VAT1L: variants seen among roughly 807,000 people sequenced by gnomAD.
VAT1L encodes putative NADPH-dependent quinone oxidoreductase VAT1L.
In VAT1L, 34 loss-of-function variants were observed where a neutral mutation model predicts 44.1. The observed-to-expected ratio is 0.77, with a 90% confidence interval of 0.59 to 1.03. The LOEUF is 1.03. Ranked by LOEUF, VAT1L falls within the 50% of genes least tolerant of loss-of-function variation. The probability of loss-of-function intolerance (pLI) is 0.00; values close to 1 mark genes in which losing one functional copy is unlikely to be tolerated. For missense variants in VAT1L, 615 were observed against 538.8 expected (o/e 1.14, Z -1.40); for synonymous variants, 253 against 202.2 (o/e 1.25, Z -2.13).
At chr16:77,827,168 A>G (rs893238575) in intron 3 of VAT1L, among the ~76,000 whole-genome samples, 1 of 152,222 alleles carries the variant, frequency 6.6e-6, no homozygotes, top group African/African-American at 2.4e-5. Flanking sequence ...TCCCGTAGAA[A>G]AGAAATGGCT....
chr16:77,880,489 AC>A (rs750098664), intron 6 of VAT1L, among the ~76,000 whole-genome samples: 32 of 140,156 alleles, frequency 2.3e-4, no homozygotes, highest in Non-Finnish European at 4.0e-4. Context: ...TCATTTCAAC[AC>A]CCCTTCCCCA....
At chr16:77,868,614 G>A (rs1001386424) in intron 4 of VAT1L, among the ~76,000 whole-genome samples, 4 of 152,198 alleles carry the variant, frequency 2.6e-5, no homozygotes, top group Admixed American at 6.5e-5. Flanking sequence ...TGGCTGTAGT[G>A]CCAGAGCTTG....
chr16:77,963,585 A>C lies in VAT1L; in HGVS notation c.1078-8265A>C, dbSNP rs1430835828. 2.6e-5 allele frequency among the ~76,000 whole-genome samples: 4 copies of C among 152,014 alleles called. No individual in the cohort carries two copies. The East Asian group carries it at 5.8e-4, about 22-fold the overall frequency. On this transcript the variant is annotated intron_variant, in intron 7 of 8. Transcript: ENST00000302536. ...GGTCATCTGTTACAGTAATAATAGG[A>C]AACTGATACAAAACCTTACCTTCAC...
chr16:77,958,768 G>T (rs376533175), intron 7 of VAT1L, among the ~76,000 whole-genome samples: 8 of 152,266 alleles, frequency 5.3e-5, no homozygotes, highest in African/African-American at 1.9e-4. Flanking sequence ...AGGACAAAAG[G>T]AACAGTTGCT....
intron 7 of VAT1L, among the ~76,000 whole-genome samples, chr16:77,917,680 C>G (rs1260346258): frequency 2.0e-5 from 3 of 152,150 alleles, no homozygotes; most frequent in East Asian, 3.9e-4. Flanking sequence ...AAGATTCTAT[C>G]TGAATAATCT....
chr16:77,809,719 G>C (rs1262566454), intron 1 of VAT1L, among the ~76,000 whole-genome samples: 1 of 152,236 alleles, frequency 6.6e-6, no homozygotes, highest in East Asian at 1.9e-4. Context: ...CACAAAGAGA[G>C]AGGGTTCATA....
At chr16:77,946,277 T>C (rs117508838) in intron 7 of VAT1L, among the ~76,000 whole-genome samples, 7 of 95,638 alleles carry the variant, frequency 7.3e-5, no homozygotes, top group Non-Finnish European at 1.2e-4. Flanking sequence ...AGGTTACTTG[T>C]TCTTTTTTTT....
At chr16:77,803,146 G>C (rs2016094563) in intron 1 of VAT1L, among the ~76,000 whole-genome samples, 1 of 152,184 alleles carries the variant, frequency 6.6e-6, no homozygotes, top group East Asian at 1.9e-4. Flanking sequence ...GTTGCTCATA[G>C]TCTACAGGGA....
At chr16:77,900,556 G>C (rs544074718) in intron 7 of VAT1L, among the ~76,000 whole-genome samples, 2 of 151,782 alleles carry the variant, frequency 1.3e-5, no homozygotes, top group African/African-American at 4.8e-5. Flanking sequence ...TTAGCTGGGC[G>C]TGGTGGTAGC....
chr16:77,805,194 G>T (rs1265279328), intron 1 of VAT1L, among the ~76,000 whole-genome samples: 1 of 152,156 alleles, frequency 6.6e-6, no homozygotes, highest in East Asian at 1.9e-4. Flanking sequence ...TCAAATAAGA[G>T]CTGCCATCTG....
At chr16:77,904,310 T>G (rs2017417466) in intron 7 of VAT1L, among the ~76,000 whole-genome samples, 1 of 152,190 alleles carries the variant, frequency 6.6e-6, no homozygotes, top group Admixed American at 6.5e-5. Flanking sequence ...TTTTGTTTAT[T>G]GCTTTATTTC....
intron 7 of VAT1L, among the ~76,000 whole-genome samples, chr16:77,956,873 T>C (rs1201077554): frequency 6.6e-6 from 1 of 152,228 alleles, no homozygotes; most frequent in Non-Finnish European, 1.5e-5. Flanking sequence ...CTGACTAATT[T>C]TGCAGCCTAG....
At chr16:77,910,998 C>G (rs1008866711) in intron 7 of VAT1L, among the ~76,000 whole-genome samples, 3 of 152,198 alleles carry the variant, frequency 2.0e-5, no homozygotes, top group Non-Finnish European at 4.4e-5. Flanking sequence ...ACAAGTGGCA[C>G]AGCAGGGATC....
At chr16:77,938,753 A>G (rs2017836413) in intron 7 of VAT1L, among the ~76,000 whole-genome samples, 1 of 152,200 alleles carries the variant, frequency 6.6e-6, no homozygotes, top group Admixed American at 6.5e-5. Context: ...TTCTTTATAA[A>G]TTACCCAGTC....
rs111884047 is a variant in VAT1L at position 77,841,361 on chromosome 16, G to C, written c.579+15900G>C. Among the ~76,000 whole-genome samples, 690 of 152,310 alleles carry C rather than the reference G, an allele frequency of 4.5e-3. 3 individuals are homozygous for C. Among genetic ancestry groups the C allele is most frequent in the African/African-American group, 0.016 (658 of 41,560 alleles). On this transcript the variant is annotated intron_variant, in intron 3 of 8. Transcript: ENST00000302536. ...GTCTCCCAAAGTGCTAGGATTACAG[G>C]CATGAGCCGCCACACCTGGCCAATA...
chr16:77,834,264 C>T lies in VAT1L; in HGVS notation c.579+8803C>T, dbSNP rs116860587. ...TACTTCAGTAATACCGAAGGACTTG[C>T]AGCCTCTGTAAGGTGTGTGGCCCTT... On this transcript the variant is annotated intron_variant, in intron 3 of 8. Coordinates refer to ENST00000302536, the MANE Select transcript of VAT1L (RefSeq NM_020927.3). 3.8e-3 allele frequency among the ~76,000 whole-genome samples: 576 copies of T among 152,302 alleles called. 1 individual carries two copies. The highest frequency in any genetic ancestry group is 6.8e-3 in the Non-Finnish European group (461 of 68,028).
At chr16:77,976,079 T>C (rs1187136108) in intron 8 of VAT1L, among the ~76,000 whole-genome samples, 1 of 152,252 alleles carries the variant, frequency 6.6e-6, no homozygotes, top group African/African-American at 2.4e-5. Flanking sequence ...TATACACTAC[T>C]AAGGAACAGC....
chr16:77,841,589 G>A (rs1017247666), intron 3 of VAT1L, among the ~76,000 whole-genome samples: 1 of 152,182 alleles, frequency 6.6e-6, no homozygotes, highest in East Asian at 1.9e-4. Flanking sequence ...GTACAGGAAT[G>A]TCCTCTATGT....
chr16:77,974,925 G>T lies in VAT1L; in HGVS notation c.1162-2672G>T, dbSNP rs573904967. Among the ~76,000 whole-genome samples the T allele has an allele frequency of 8.5e-5, 13 of 152,166 alleles. No individual in the cohort carries two copies. The South Asian group carries it at 2.5e-3, about 29-fold the overall frequency. Reference sequence around the variant, plus strand: ...GAAACAAAAAGACAGTAGAGAATGGGTAATCAGAGCAACCACGTGGTGGAA... The same window carrying T: ...GAAACAAAAAGACAGTAGAGAATGGTTAATCAGAGCAACCACGTGGTGGAA... On this transcript the variant is annotated intron_variant, in intron 8 of 8. Coordinates refer to ENST00000302536, the MANE Select transcript of VAT1L (RefSeq NM_020927.3).
Sources: gnomAD v4.1 joint callset for allele counts (sites outside exome capture counted in the v4.1 genomes callset) on GRCh38, gnomAD v4.1.1 for gene constraint, MANE v1.5 for transcripts, NCBI Gene and HGNC (gene_info 2026-07-23, HGNC 2026-07-21) for gene names.